The following PSD2 variants were observed in gnomAD, a reference collection of about 807,000 sequenced individuals.
PSD2 encodes the protein pleckstrin and Sec7 domain containing 2.
A neutral mutation model predicts 69.8 loss-of-function variants in PSD2; 38 were observed. The ratio of observed to expected loss-of-function variants is 0.54; its 90% confidence interval spans 0.42 to 0.71. The LOEUF (loss-of-function observed/expected upper bound fraction) is 0.71, where lower values mean the gene tolerates loss of function less well. Ranked by LOEUF, PSD2 falls within the 30% of genes least tolerant of loss-of-function variation. PSD2 has a pLI of 0.00. For missense variants in PSD2, 943 were observed against 1,014.5 expected (o/e 0.93, Z 0.96); for synonymous variants, 412 against 423.0 (o/e 0.97, Z 0.32).
chr5:139,770,560 C>T, the PSD2 span, among the ~76,000 whole-genome samples: 1 of 151,918 alleles, frequency 6.6e-6, no homozygotes, highest in African/African-American at 2.4e-5. Flanking sequence ...AGCGAGACTC[C>T]GTGTCAAAAA....
At chr5:139,824,976 T>A (rs552848055) in intron 7 of PSD2, among the ~76,000 whole-genome samples, 1 of 152,280 alleles carries the variant, frequency 6.6e-6, no homozygotes, top group Admixed American at 6.5e-5. Flanking sequence ...ATAGGCATGC[T>A]CCTGAGATGG....
At chr5:139,786,110 C>T in the PSD2 span, among the ~76,000 whole-genome samples, 10 of 151,384 alleles carry the variant, frequency 6.6e-5, no homozygotes, top group East Asian at 1.9e-4. Context: ...ATAGCCTGGG[C>T]GCTGTGGCTC....
At chr5:139,776,154 T>C in the PSD2 span, among the ~76,000 whole-genome samples, 1 of 152,238 alleles carries the variant, frequency 6.6e-6, no homozygotes, top group Non-Finnish European at 1.5e-5. Context: ...CTCCTGCCGC[T>C]GAGGGCTGGG....
At chr5:139,836,189 C>T (rs1301188300) in intron 9 of PSD2, among the ~76,000 whole-genome samples, 1 of 152,214 alleles carries the variant, frequency 6.6e-6, no homozygotes, top group East Asian at 1.9e-4. Context: ...TGCCCTCTAA[C>T]TTCTTCCCCT....
At chr5:139,807,652 G>A (rs1025923866) in intron 1 of PSD2, among the ~76,000 whole-genome samples, 3 of 152,062 alleles carry the variant, frequency 2.0e-5, no homozygotes, top group African/African-American at 4.8e-5. Flanking sequence ...CAGTGTAAAC[G>A]GGCGGCGTCC....
chr5:139,754,980 G>A, the PSD2 span, among the ~76,000 whole-genome samples: 1 of 152,232 alleles, frequency 6.6e-6, no homozygotes, highest in Non-Finnish European at 1.5e-5. Flanking sequence ...GAGGGTCCGG[G>A]CTGCCCCCAA....
At chr5:139,829,242 G>A (rs1278170015) in intron 7 of PSD2, among the ~76,000 whole-genome samples, 1 of 152,194 alleles carries the variant, frequency 6.6e-6, no homozygotes, top group Admixed American at 6.5e-5. Context: ...GACTTGAAAA[G>A]AATATATTCT....
At chr5:139,770,610 C>T in the PSD2 span, among the ~76,000 whole-genome samples, 2 of 152,122 alleles carry the variant, frequency 1.3e-5, no homozygotes, top group African/African-American at 4.8e-5. Flanking sequence ...GGCCCAGGAA[C>T]CCTGCTATAG....
rs1479468846 is a variant in PSD2, at chr5:139,835,705, C to G, written c.1360-18C>G. ...ACCCTTCACCTGAATTCCCCCCTCT[C>G]TCTTTTCCCTCTCCCAGACCCTTTA... On this transcript the variant is annotated intron_variant, in intron 8 of 14. Coordinates refer to ENST00000274710, the MANE Select transcript of PSD2 (RefSeq NM_032289.4). The G allele has an allele frequency of 6.2e-7, 1 of 1,613,752 alleles. No individual in the cohort carries two copies. Among genetic ancestry groups the G allele is most frequent in the East Asian group, 2.2e-5 (1 of 44,882 alleles).
Position 139,840,078 on chromosome 5 carries a change from C to A in PSD2, c.2020C>A (p.Leu674Met), listed in dbSNP as rs199554619. The A allele has an allele frequency of 3.1e-6, 5 of 1,614,098 alleles. No homozygotes were observed. The Admixed American group carries it at 8.3e-5, about 27-fold the overall frequency. ...TAAGTTGAGGCAGCTGACTGCGGAGCTGGCCGAACACAGGTGTCACCCAGT... is the reference window on the plus strand; with the variant it reads ...TAAGTTGAGGCAGCTGACTGCGGAGATGGCCGAACACAGGTGTCACCCAGT... ...ENKLRQLTAELAEHRCHPVER... is the reference protein window; with the variant it reads ...ENKLRQLTAEMAEHRCHPVER... Residue 674 changes from leucine (L) to methionine (M), a missense_variant, in exon 14 of 15, where the codon CTG (leucine) becomes ATG (methionine). Physicochemically the swap from Leu to Met is conservative, Grantham distance 15. Coordinates refer to ENST00000274710, the MANE Select transcript of PSD2 (RefSeq NM_032289.4).
chr5:139,750,240 G>C, the PSD2 span, among the ~76,000 whole-genome samples: 1 of 152,104 alleles, frequency 6.6e-6, no homozygotes, highest in Non-Finnish European at 1.5e-5. Context: ...CAGGAGAATG[G>C]GGTGAACCCA....
At chr5:139,804,607 G>A (rs1581711262) in intron 1 of PSD2, among the ~76,000 whole-genome samples, 1 of 152,140 alleles carries the variant, frequency 6.6e-6, no homozygotes. Context: ...GAAGCAAAAC[G>A]TGAGGGTCCT....
chr5:139,833,016 G>C (rs928005247), intron 7 of PSD2, among the ~76,000 whole-genome samples: 1 of 152,064 alleles, frequency 6.6e-6, no homozygotes, highest in African/African-American at 2.4e-5. Context: ...TGGGGCACTT[G>C]TGTGTCCATG....
Position 139,837,144 on chromosome 5 carries a change from C to T in PSD2, c.1595-24C>T. The T allele has an allele frequency of 6.2e-7, 1 of 1,613,154 alleles. No individual in the cohort carries two copies. The highest frequency in any genetic ancestry group is 1.3e-5 in the African/African-American group (1 of 75,052). On this transcript the variant is annotated intron_variant, in intron 10 of 14. Coordinates refer to ENST00000274710, the MANE Select transcript of PSD2 (RefSeq NM_032289.4). This position sits in a 1 kb window ranked among gnomAD's most constrained non-coding sequence, Gnocchi z 5.0. ...AGACTGCAGAGGGTGGCTGCAGCCA[C>T]ACTACCAGTGCCCTCCTCCCCAGCG...
intron 8 of PSD2, 34 bp from the exon 9 acceptor site, chr5:139,835,689 C>T: frequency 6.2e-7 from 1 of 1,610,784 alleles, no homozygotes; most frequent in Non-Finnish European, 8.5e-7. Flanking sequence ...GACCCTTCAC[C>T]TGAATTCCCC....
At chr5:139,836,780 G>C in intron 9 of PSD2, 31 bp from the exon 10 acceptor site, 1 of 1,599,690 alleles carries the variant, frequency 6.3e-7, no homozygotes. Flanking sequence ...GGCCTCCCTG[G>C]AGGTGGTGCT....
the PSD2 span, among the ~76,000 whole-genome samples, chr5:139,747,695 C>G: frequency 1.3e-5 from 2 of 152,246 alleles, no homozygotes; most frequent in Non-Finnish European, 2.9e-5. The surrounding 1 kb of genome is among the most constrained non-coding windows in gnomAD (Gnocchi z 6.7). Context: ...GCCGGCCTCA[C>G]GCCGTCAGAC....
At chr5:139,768,303 G>A in the PSD2 span, among the ~76,000 whole-genome samples, 1 of 152,390 alleles carries the variant, frequency 6.6e-6, no homozygotes, top group South Asian at 2.1e-4. Flanking sequence ...ACTCCAGGCT[G>A]AGAGGCCAGT....
chr5:139,798,880 GT>G (rs147165635), intron 1 of PSD2, among the ~76,000 whole-genome samples: 8 of 151,730 alleles, frequency 5.3e-5, no homozygotes, highest in East Asian at 3.9e-4. Context: ...CTTTATAGCT[GT>G]TTTTTTTAAT....
Sources: allele counts gnomAD v4.1 joint callset (sites outside exome capture counted in the v4.1 genomes callset), GRCh38; gene constraint gnomAD v4.1.1; non-coding constraint Gnocchi (gnomAD v3.1); transcripts MANE v1.5; gene names NCBI Gene and HGNC (gene_info 2026-07-23, HGNC 2026-07-21).